Variants in PCDHA8 observed in about 807,000 individuals in gnomAD.
PCDHA8 encodes protocadherin alpha-8.
A neutral mutation model predicts 61.8 loss-of-function variants in PCDHA8; 53 were observed. That is an observed-to-expected ratio of 0.86 (90% confidence interval 0.69 to 1.08). The LOEUF (loss-of-function observed/expected upper bound fraction) is 1.08. PCDHA8 is among the 50% of genes least tolerant of loss of function. The probability of loss-of-function intolerance (pLI) is 0.00; values close to 1 mark genes in which losing one functional copy is unlikely to be tolerated. For synonymous variants in PCDHA8, 618 were observed against 556.6 expected (o/e 1.11, Z -1.55); for missense variants, 1,293 against 1,245.0 (o/e 1.04, Z -0.58).
At chr5:140,951,082 C>G (rs1563248212) in intron 1 of PCDHA8, among the ~76,000 whole-genome samples, 1 of 151,404 alleles carries the variant, frequency 6.6e-6, no homozygotes, top group African/African-American at 2.4e-5. Context: ...TTATATTTTC[C>G]TTTTTTTCTG....
intron 1 of PCDHA8, chr5:140,883,057 G>A (rs781846985): frequency 1.2e-6 from 2 of 1,614,006 alleles, no homozygotes; most frequent in South Asian, 1.1e-5. Flanking sequence ...TAGTGATCAA[G>A]CTAAATGCCA....
chr5:140,907,997 T>G (rs1352895327), intron 1 of PCDHA8, among the ~76,000 whole-genome samples: 1 of 152,186 alleles, frequency 6.6e-6, no homozygotes, highest in East Asian at 1.9e-4. Flanking sequence ...TCCTTAACCA[T>G]CCAGCCAAAC....
chr5:140,876,567 G>T (rs782286416), intron 1 of PCDHA8: 90 of 1,614,068 alleles, frequency 5.6e-5, no homozygotes, highest in Non-Finnish European at 6.3e-5. Context: ...ATGCTCAGGT[G>T]GGTACCGTCA....
intron 1 of PCDHA8, among the ~76,000 whole-genome samples, chr5:140,916,262 G>C (rs1379588605): frequency 6.6e-6 from 1 of 152,202 alleles, no homozygotes; most frequent in Non-Finnish European, 1.5e-5. Flanking sequence ...GACCCCAAGA[G>C]CATGCTTGTT....
chr5:140,849,878 G>C, intron 1 of PCDHA8: 1 of 1,598,602 alleles, frequency 6.3e-7, no homozygotes, highest in South Asian at 1.1e-5. Context: ...CCGAGTACAC[G>C]GTGTTCGTGA....
At chr5:140,901,553 A>C (rs1387848935) in intron 1 of PCDHA8, among the ~76,000 whole-genome samples, 1 of 152,072 alleles carries the variant, frequency 6.6e-6, no homozygotes, top group African/African-American at 2.4e-5. Flanking sequence ...TGTTCCATTC[A>C]TCTATGTGTC....
chr5:140,889,232 C>T (rs1365146997), intron 1 of PCDHA8, among the ~76,000 whole-genome samples: 6 of 151,736 alleles, frequency 4.0e-5, no homozygotes, highest in African/African-American at 1.4e-4. Context: ...TTGAAAACTT[C>T]CAGAAAATTT....
intron 1 of PCDHA8, chr5:140,877,314 G>A (rs2057020187): frequency 6.2e-7 from 1 of 1,613,972 alleles, no homozygotes; most frequent in Admixed American, 1.7e-5. Context: ...TGCAACCGGC[G>A]GCGGTCGGCG....
At chr5:140,867,441 G>C (rs1188505395) in intron 1 of PCDHA8, 1 of 152,032 alleles carries the variant, frequency 6.6e-6, no homozygotes, top group Non-Finnish European at 1.5e-5. Flanking sequence ...GCATTTACCT[G>C]AATTAGAGTT....
At chr5:140,928,356 C>A in intron 1 of PCDHA8, 1 of 1,614,176 alleles carries the variant, frequency 6.2e-7, no homozygotes, top group South Asian at 1.1e-5. Context: ...TGGATGTTAT[C>A]TCTGAAGGGC....
chr5:140,968,276 G>A, intron 1 of PCDHA8: 1 of 1,614,070 alleles, frequency 6.2e-7, no homozygotes, highest in South Asian at 1.1e-5. Context: ...GAATGCAGAG[G>A]TGACCTACTC....
At chr5:140,928,056 G>T (rs183490994) in intron 1 of PCDHA8, 1 of 1,614,154 alleles carries the variant, frequency 6.2e-7, no homozygotes, top group Admixed American at 1.7e-5. Flanking sequence ...TTCAGCTGAC[G>T]GCTTCCTTTG....
intron 3 of PCDHA8, among the ~76,000 whole-genome samples, chr5:140,990,570 C>T (rs142596715): frequency 7.2e-4 from 110 of 152,260 alleles, no homozygotes; most frequent in African/African-American, 2.4e-3. Context: ...CACACCTGTT[C>T]GATCTCTTTT....
At chr5:140,857,380 G>A (rs138042594) in intron 1 of PCDHA8, 8 of 1,598,488 alleles carry the variant, frequency 5.0e-6, no homozygotes, top group Middle Eastern at 1.7e-4. Flanking sequence ...CTGTGGAGGT[G>A]GCCGACGTGA....
At chr5:140,985,086 T>C (rs564487119) in intron 3 of PCDHA8, among the ~76,000 whole-genome samples, 1 of 152,000 alleles carries the variant, frequency 6.6e-6, no homozygotes, top group Non-Finnish European at 1.5e-5. Context: ...TACAGGCGTG[T>C]GCCACCAAGC....
At position 140,857,263 on chromosome 5, in the gene PCDHA8, A is replaced by G. The variant is rs367883816; in HGVS notation, c.2394+13548A>G. On this transcript the variant is annotated intron_variant, in intron 1 of 3. Coordinates refer to ENST00000531613, the MANE Select transcript of PCDHA8 (RefSeq NM_018911.3). The stretch of plus-strand genomic sequence containing the variant: ...TGTCCACCTACAAGAATTACTACTC[A>G]TTGGTGCTGGACAGCGCTCTGGACC... 5.0e-5 allele frequency: 80 copies of G among 1,598,534 alleles called. 2 individuals carry two copies. In the East Asian group the frequency reaches 1.3e-3, roughly 25 times the overall value.
intron 1 of PCDHA8, chr5:140,863,426 T>C: frequency 1.5e-6 from 1 of 661,760 alleles, no homozygotes; most frequent in Non-Finnish European, 2.7e-6. Context: ...CGCAGCGTAG[T>C]GGGATCTGGT....
chr5:140,929,226 C>G lies in PCDHA8; in HGVS notation c.2395-49723C>G, dbSNP rs782065898. ...TGTTGCGTGGGGAGTACAATGCTGC[C>G]GACCTGCGAAATCTTGCCACTGGGG... is the stretch of plus-strand genomic sequence containing the variant. On this transcript the variant is annotated intron_variant, in intron 1 of 3. Transcript: ENST00000531613. 5.0e-6 allele frequency: 8 copies of G among 1,613,768 alleles called. No homozygotes were observed. In the South Asian group the frequency reaches 8.8e-5, roughly 18 times the overall value.
intron 1 of PCDHA8, among the ~76,000 whole-genome samples, chr5:140,890,607 T>A (rs2062708566): frequency 6.6e-6 from 1 of 152,184 alleles, no homozygotes; most frequent in Non-Finnish European, 1.5e-5. Context: ...GAATAGCTAG[T>A]GCTTACCCTA....
Sources: gnomAD v4.1 joint callset for allele counts (sites outside exome capture counted in the v4.1 genomes callset) on GRCh38, gnomAD v4.1.1 for gene constraint, MANE v1.5 for transcripts, NCBI Gene and HGNC (gene_info 2026-07-23, HGNC 2026-07-21) for gene names.